Variants in MICOS13 observed in about 807,000 individuals in gnomAD.
MICOS13 encodes mitochondrial contact site and cristae organizing system subunit 13, also known as MICOS complex subunit MIC13.
MICOS13 carries 15 observed loss-of-function variants against 16.1 expected under a neutral mutation model. The ratio of observed to expected loss-of-function variants is 0.93; its 90% CI spans 0.62 to 1.44. The LOEUF (loss-of-function observed/expected upper bound fraction) is 1.44, where lower values mean the gene tolerates loss of function less well. Ranked by LOEUF, MICOS13 falls within the 40% of genes most tolerant of loss-of-function variation. The probability of loss-of-function intolerance (pLI) is 0.00; values close to 1 mark genes in which losing one functional copy is unlikely to be tolerated. For synonymous variants in MICOS13, 61 were observed against 62.6 expected (o/e 0.97, Z 0.12); for missense variants, 164 against 155.0 (o/e 1.06, Z -0.31).
chr19:5,679,264 G>C (rs746659958), intron 3 of MICOS13, 81 bp downstream of exon 3: 2 of 1,418,364 alleles, frequency 1.4e-6, no homozygotes, highest in South Asian at 2.4e-5. Flanking sequence ...AAGGAGGATG[G>C]ACAGAAAGGA....
At position 5,679,389 on chromosome 19, in the gene MICOS13, G is replaced by T; in HGVS notation, c.215C>A (p.Ala72Asp). ...GATGGGAAAGTAAATCTTTGGAGGG[G>T]CTGGGAGCTGGGAAAAAGAGATGGG... The part of the protein sequence containing the change: ...QTGLQIPQLP[A>D]PPKIYFPIRD... The change falls in exon 3 of 4, where the codon GCC becomes GAC. Residue 72 changes from alanine (A) to aspartate (D), a missense_variant. Ala to Asp is a moderately radical substitution (Grantham distance 126). Transcript: ENST00000309324. 6.2e-7 allele frequency: 1 copy of T among 1,613,532 alleles called. No individual in the cohort carries two copies. The highest frequency in any genetic ancestry group is 1.1e-5 in the South Asian group (1 of 91,030).
In MICOS13 at chr19:5,679,431, A is replaced by C. The variant is rs754791566; in HGVS notation, c.208-35T>G. On this transcript the variant is annotated intron_variant, in intron 2 of 3. Coordinates refer to ENST00000309324, the MANE Select transcript of MICOS13 (RefSeq NM_205767.3). ...AGAGATGGGCAGAAAGAACTGGTGAAAAGGCTCAGCAGCCCATCCCCAGAG... is the reference window on the plus strand; with the variant it reads ...AGAGATGGGCAGAAAGAACTGGTGACAAGGCTCAGCAGCCCATCCCCAGAG... 4.3e-6 allele frequency: 7 copies of C among 1,609,258 alleles called. No homozygotes were observed. The South Asian group carries it at 7.7e-5, about 18-fold the overall frequency.
At chr19:5,678,737 C>CGGTGGGGGGTG (rs2054476543) in intron 3 of MICOS13, 89 bp from the exon 4 acceptor site, 1 of 215,654 alleles carries the variant, frequency 4.6e-6, no homozygotes, top group Non-Finnish European at 9.3e-6. Context: ...TTGTTTTGGG[C>CGGTGGGGGGTG]GGTGGGGGGT....
intron 3 of MICOS13, 138 bp downstream of exon 3, chr19:5,679,207 C>A: frequency 1.1e-6 from 1 of 940,642 alleles, no homozygotes; most frequent in East Asian, 2.7e-5. Flanking sequence ...CCACTGTGCT[C>A]GGCCTCCTTT....
chr19:5,679,773 G>A lies in MICOS13; in HGVS notation c.30-10C>T. 1 of 1,587,880 alleles carries A rather than the reference G, an allele frequency of 6.3e-7. No individual in the cohort carries two copies. Among genetic ancestry groups the A allele is most frequent in the African/African-American group, 1.3e-5 (1 of 74,370 alleles). ...TCCCTTGATGAGGAACCTGCGGGCA[G>A]GGACGGGAGGAGCAGAAGCTCAGCG... On this transcript the variant is annotated splice_polypyrimidine_tract_variant and intron_variant, in intron 1 of 3. Coordinates refer to ENST00000309324, the MANE Select transcript of MICOS13 (RefSeq NM_205767.3).
rs777318029 is a variant in MICOS13, at chr19:5,679,597, G to A, written c.196C>T (p.Gln66Ter). The A allele has an allele frequency of 6.2e-7, 1 of 1,610,968 alleles. No homozygotes were observed. The highest frequency in any genetic ancestry group is 8.5e-7 in the Non-Finnish European group (1 of 1,179,120). ...SQYVCQQTGL[Q>*]IPQLPAPPKI... Reference sequence around the variant, plus strand: ...CCGGCCCGTAGTACCTGGGGTATCTGCAGGCCTGTCTGCTGACACACGTAC... The same window carrying A: ...CCGGCCCGTAGTACCTGGGGTATCTACAGGCCTGTCTGCTGACACACGTAC... The change falls in exon 2 of 4, where the codon CAG becomes TAG. Residue 66 changes from glutamine (Q) to a stop codon, truncating the protein, a stop_gained. Transcript: ENST00000309324. LOFTEE classifies it high-confidence loss of function.
chr19:5,679,796 G>A, intron 1 of MICOS13, 33 bp from the exon 2 acceptor site: 1 of 1,554,770 alleles, frequency 6.4e-7, no homozygotes, highest in African/African-American at 1.4e-5. Flanking sequence ...CAGAAGCTCA[G>A]CGGACACTGA....
intron 2 of MICOS13, 64 bp downstream of exon 2, chr19:5,679,522 G>A: frequency 6.3e-7 from 1 of 1,595,102 alleles, no homozygotes; most frequent in Non-Finnish European, 8.6e-7. Context: ...ATCGTGCAGG[G>A]CTGGAGGGAC....
At position 5,679,383 on chromosome 19, in the gene MICOS13, G is replaced by C; in HGVS notation, c.221C>G (p.Pro74Arg). ...GLQIPQLPAP[P>R]KIYFPIRDSW... ...GTCACGGATGGGAAAGTAAATCTTT[G>C]GAGGGGCTGGGAGCTGGGAAAAAGA... Residue 74 changes from proline (P) to arginine (R), a missense_variant, in exon 3 of 4, where the codon CCA becomes CGA. Pro to Arg is a moderately radical substitution (Grantham distance 103, BLOSUM62 -2). Coordinates refer to ENST00000309324, the MANE Select transcript of MICOS13 (RefSeq NM_205767.3). 1 of 1,613,610 alleles carries C rather than the reference G, an allele frequency of 6.2e-7. No individual in the cohort carries two copies. The highest frequency in any genetic ancestry group is 2.2e-5 in the East Asian group (1 of 44,882).
chr19:5,679,657 C>T lies in MICOS13; in HGVS notation c.136G>A (p.Glu46Lys). The T allele has an allele frequency of 6.2e-7, 1 of 1,611,076 alleles. No homozygotes were observed. Among genetic ancestry groups the T allele is most frequent in the East Asian group, 2.2e-5 (1 of 44,876 alleles). Residue 46 changes from glutamate to lysine, a missense_variant, in exon 2 of 4, where the codon GAG becomes AAG. By Grantham distance (56) the Glu-to-Lys change is moderately conservative. Coordinates refer to ENST00000309324, the MANE Select transcript of MICOS13 (RefSeq NM_205767.3). ...KSQAALQKAG[E>K]VVPPAMYQFS... is the part of the protein sequence containing the mutation. The stretch of plus-strand genomic sequence containing the variant: ...TGGTACATGGCGGGGGGGACCACCT[C>T]CCCAGCCTTCTGTAGGGCTGCCTGG...
intron 1 of MICOS13, chr19:5,680,050 T>C: frequency 6.6e-7 from 1 of 1,523,224 alleles, no homozygotes; most frequent in South Asian, 1.2e-5. Flanking sequence ...ACGTAAGATC[T>C]TGACCTTCTA....
chr19:5,679,322 A>G (rs765023961), intron 3 of MICOS13, 23 bp downstream of exon 3: 15 of 1,608,286 alleles, frequency 9.3e-6, no homozygotes, highest in Non-Finnish European at 1.3e-5. Flanking sequence ...TCTCCCTCCA[A>G]GCAAAGAAAC....
At chr19:5,679,271 A>G in intron 3 of MICOS13, 74 bp downstream of exon 3, 1 of 1,449,316 alleles carries the variant, frequency 6.9e-7, no homozygotes, top group Non-Finnish European at 9.5e-7. Flanking sequence ...ATGGACAGAA[A>G]GGAATGGCCA....
Position 5,679,345 on chromosome 19 carries a change from C to G in MICOS13, c.259G>C (p.Gly87Arg), listed in dbSNP as rs542888648. Residue 87 changes from glycine (G) to arginine (R), a missense_variant and splice_region_variant, in exon 3 of 4, where the codon GGC becomes CGC. By Grantham distance (125) the Gly-to-Arg change is moderately radical. Transcript: ENST00000309324. ...CAAGCAAAGAAACTGGGTGCCTTACCTGCATTCCAGGAGTCACGGATGGGA... is the reference window on the plus strand; with the variant it reads ...CAAGCAAAGAAACTGGGTGCCTTACGTGCATTCCAGGAGTCACGGATGGGA... ...YFPIRDSWNAGIMTVMSALSV... is the reference protein window; with the variant it reads ...YFPIRDSWNARIMTVMSALSV... 1.2e-6 allele frequency: 2 copies of G among 1,613,186 alleles called. No individual in the cohort carries two copies. Among genetic ancestry groups the G allele is most frequent in the African/African-American group, 2.7e-5 (2 of 75,018 alleles).
At chr19:5,680,313 T>A (rs1599409379) in intron 1 of MICOS13, 145 bp downstream of exon 1, 1 of 1,609,932 alleles carries the variant, frequency 6.2e-7, no homozygotes, top group Middle Eastern at 1.7e-4. Context: ...AAGCCTCAGT[T>A]TCCCTATCTG....
rs116909685 is a variant in MICOS13 at position 5,678,486 on chromosome 19, C to T, written c.*65G>A. The T allele has an allele frequency of 0.019, 26,970 of 1,440,584 alleles. 347 individuals are homozygous for T. Among genetic ancestry groups the T allele is most frequent in the East Asian group, 0.027 (1,082 of 40,212 alleles). The allele number at this position is 1,440,584 out of a possible 1,614,324, so 89.2% of individuals were successfully genotyped here. ...CTGCCCTCGGAGTGGGGTCCCAGTC[C>T]GGAGTCTTCAGGTCAGTGGCAGCCC... On this transcript the variant is annotated 3_prime_UTR_variant, in exon 4 of 4. Transcript: ENST00000309324.
Position 5,678,566 on chromosome 19 carries a change from C to T in MICOS13, c.342G>A (p.Lys114=). The stretch of plus-strand genomic sequence containing the variant: ...TGCTGACTCGCTACTTGGTGCGCGC[C>T]TTCACATACTCCCAGCCCTCCTTGG... ...EYSKEGWEYV[K]ARTK Residue 114 remains lysine, a synonymous_variant, in exon 4 of 4, where the codon AAG becomes AAA. Transcript: ENST00000309324. The T allele has an allele frequency of 3.2e-6, 5 of 1,549,570 alleles. No individual in the cohort carries two copies. The highest frequency in any genetic ancestry group is 4.4e-6 in the Non-Finnish European group (5 of 1,146,778).
In MICOS13 at chr19:5,678,651, G is replaced by C; in HGVS notation, c.260-3C>G. ...AGCTGACATCACCGTCATGATGCCT[G>C]TGGGAAAGGGACGGCCACTGGTGAT... is the stretch of plus-strand genomic sequence containing the variant. On this transcript the variant is annotated splice_region_variant and splice_polypyrimidine_tract_variant and intron_variant, in intron 3 of 3. Coordinates refer to ENST00000309324, the MANE Select transcript of MICOS13 (RefSeq NM_205767.3). 1 of 1,525,524 alleles carries C rather than the reference G, an allele frequency of 6.6e-7. No homozygotes were observed. Among genetic ancestry groups the C allele is most frequent in the Non-Finnish European group, 8.8e-7 (1 of 1,134,432 alleles). The allele number at this position is 1,525,524 out of a possible 1,614,324, so 94.5% of individuals were successfully genotyped here.
intron 1 of MICOS13, chr19:5,680,219 G>A: frequency 6.5e-7 from 1 of 1,543,372 alleles, no homozygotes; most frequent in Non-Finnish European, 8.7e-7. Context: ...GGAGGCGGAG[G>A]CTGACACCGC....
Sources: gnomAD v4.1 joint callset for allele counts on GRCh38, gnomAD v4.1.1 for gene constraint, MANE v1.5 for transcripts, NCBI Gene and HGNC (gene_info 2026-07-23, HGNC 2026-07-21) for gene names.